Variants in ELAPOR2 observed in about 807,000 individuals in gnomAD.
ELAPOR2 encodes the protein endosome/lysosome-associated apoptosis and autophagy regulator family member 2.
In ELAPOR2, 89 loss-of-function variants were observed where a neutral mutation model predicts 120.7. The observed-to-expected ratio is 0.74, with a 90% confidence interval of 0.62 to 0.88. The LOEUF is 0.88. ELAPOR2 is among the 40% of genes least tolerant of loss of function. ELAPOR2 has a pLI of 0.00. For synonymous variants in ELAPOR2, 444 were observed against 444.9 expected, an observed-to-expected ratio of 1.00 and a Z score of 0.03; for missense variants, 1,134 against 1,251.6, an observed-to-expected ratio of 0.91 and a Z score of 1.42.
At chr7:86,901,734 G>A (rs908233638) in intron 18 of ELAPOR2, among the ~76,000 whole-genome samples, 2 of 152,288 alleles carry the variant, frequency 1.3e-5, no homozygotes, top group East Asian at 3.9e-4. Flanking sequence ...GCTTTCGCAT[G>A]GGGCTTTTGA....
intron 1 of ELAPOR2, among the ~76,000 whole-genome samples, chr7:86,975,602 C>T (rs572307361): frequency 1.3e-5 from 2 of 152,280 alleles, no homozygotes; most frequent in Admixed American, 1.3e-4. Context: ...ACAGCATGCC[C>T]CCTGCTCTCA....
chr7:86,965,930 A>G, intron 1 of ELAPOR2: 2 of 985,400 alleles, frequency 2.0e-6, no homozygotes, highest in Non-Finnish European at 2.4e-6. Context: ...CCATGCGGAC[A>G]TCAGGAATGA....
intron 1 of ELAPOR2, among the ~76,000 whole-genome samples, chr7:86,984,041 T>C (rs1238415606): frequency 2.0e-5 from 3 of 152,070 alleles, no homozygotes; most frequent in Non-Finnish European, 2.9e-5. Flanking sequence ...GGGGTTGCAA[T>C]CCTGGTCTCT....
chr7:87,012,994 G>A (rs1360696516), intron 1 of ELAPOR2, among the ~76,000 whole-genome samples: 6 of 152,166 alleles, frequency 3.9e-5, no homozygotes, highest in Non-Finnish European at 8.8e-5. Context: ...TGCTATTGCA[G>A]TAACAAGCCA....
chr7:86,969,794 T>C (rs1269583779), intron 1 of ELAPOR2, among the ~76,000 whole-genome samples: 1 of 152,214 alleles, frequency 6.6e-6, no homozygotes, highest in Admixed American at 6.5e-5. Context: ...CAGTAGAGTA[T>C]GTGCGGAAGA....
At chr7:86,960,689 T>C (rs1253693883) in intron 2 of ELAPOR2, among the ~76,000 whole-genome samples, 2 of 152,204 alleles carry the variant, frequency 1.3e-5, no homozygotes, top group Non-Finnish European at 2.9e-5. Context: ...TATTTAGATA[T>C]CCTGATTTTG....
chr7:87,032,673 T>TA (rs1339198649), intron 1 of ELAPOR2, among the ~76,000 whole-genome samples: 2 of 152,190 alleles, frequency 1.3e-5, no homozygotes, highest in African/African-American at 4.8e-5. Flanking sequence ...CTTCTTCACA[T>TA]AGAAGAACCA....
intron 18 of ELAPOR2, among the ~76,000 whole-genome samples, chr7:86,902,254 AC>A (rs1442594652): frequency 2.0e-5 from 3 of 151,978 alleles, no homozygotes; most frequent in African/African-American, 7.2e-5. Flanking sequence ...TCAGCTCACC[AC>A]AACCTCCACC....
intron 1 of ELAPOR2, among the ~76,000 whole-genome samples, chr7:87,049,967 C>A (rs1795055356): frequency 6.6e-6 from 1 of 152,184 alleles, no homozygotes; most frequent in South Asian, 2.1e-4. Context: ...AGAGTTCAGG[C>A]TCCCTCTTGC....
At position 86,947,712 on chromosome 7, in the gene ELAPOR2, G is replaced by A; in HGVS notation, c.506+15C>T. 6.5e-7 allele frequency: 1 copy of A among 1,545,574 alleles called. No homozygotes were observed. Among genetic ancestry groups the A allele is most frequent in the South Asian group, 1.2e-5 (1 of 83,660 alleles). On this transcript the variant is annotated intron_variant, in intron 3 of 21. Transcript: ENST00000450689. ...AATATTCAGTTAAGAGCCAAAGGCT[G>A]CTTTGGATTCTTACTTGTTACAGCC...
intron 10 of ELAPOR2, among the ~76,000 whole-genome samples, chr7:86,924,735 A>G (rs557531672): frequency 1.4e-5 from 2 of 147,878 alleles, no homozygotes; most frequent in African/African-American, 2.6e-5. Flanking sequence ...CTCACTTCCT[A>G]TGACTCAAGC....
chr7:86,928,981 G>A (rs1399497546), intron 8 of ELAPOR2, among the ~76,000 whole-genome samples: 1 of 151,844 alleles, frequency 6.6e-6, no homozygotes, highest in Non-Finnish European at 1.5e-5. Flanking sequence ...GGCTTCCAGT[G>A]CAGATGAAAA....
At chr7:86,936,326 T>C (rs12113681) in intron 8 of ELAPOR2, among the ~76,000 whole-genome samples, 17,232 of 152,046 alleles carry the variant, frequency 0.11, 1,024 homozygotes, top group East Asian at 0.14. Flanking sequence ...CAAGCAATCC[T>C]CATGCCTCAG....
chr7:86,936,746 G>A (rs1258529820), intron 8 of ELAPOR2, among the ~76,000 whole-genome samples: 1 of 151,876 alleles, frequency 6.6e-6, no homozygotes, highest in Non-Finnish European at 1.5e-5. Context: ...TTTAATATAC[G>A]GTCTTGCATC....
intron 1 of ELAPOR2, among the ~76,000 whole-genome samples, chr7:87,023,755 T>C (rs1179864017): frequency 6.6e-6 from 1 of 152,174 alleles, no homozygotes; most frequent in East Asian, 1.9e-4. Flanking sequence ...CAGTGGTTTG[T>C]AGTTCTCCTT....
intron 2 of ELAPOR2, among the ~76,000 whole-genome samples, chr7:86,956,031 C>T (rs1791458985): frequency 6.6e-6 from 1 of 151,736 alleles, no homozygotes; most frequent in Admixed American, 6.6e-5. Context: ...AAGAACTCTG[C>T]CTTAAAAGTC....
chr7:87,030,241 C>G (rs1794381964), intron 1 of ELAPOR2, among the ~76,000 whole-genome samples: 1 of 152,092 alleles, frequency 6.6e-6, no homozygotes, highest in Non-Finnish European at 1.5e-5. Flanking sequence ...AAGATGGATT[C>G]TAAGACGAGA....
chr7:86,947,375 A>C (rs1791052495), intron 3 of ELAPOR2, among the ~76,000 whole-genome samples: 1 of 152,192 alleles, frequency 6.6e-6, no homozygotes, highest in African/African-American at 2.4e-5. Context: ...AAGGTTATGA[A>C]TTCTTCCTGT....
intron 1 of ELAPOR2, among the ~76,000 whole-genome samples, chr7:87,005,618 A>G (rs948769915): frequency 2.6e-5 from 4 of 152,206 alleles, no homozygotes; most frequent in Non-Finnish European, 2.9e-5. Flanking sequence ...GAGAACTCTC[A>G]CTGATGTGGA....
Sources: allele counts gnomAD v4.1 joint callset (sites outside exome capture counted in the v4.1 genomes callset), GRCh38; gene constraint gnomAD v4.1.1; transcripts MANE v1.5; gene names NCBI Gene and HGNC (gene_info 2026-07-23, HGNC 2026-07-21).